The following PRKDC variants were observed in gnomAD, a reference collection of about 807,000 sequenced individuals.
PRKDC encodes the protein protein kinase, DNA-activated, catalytic subunit.
PRKDC carries 82 observed loss-of-function variants against 486.9 expected under a neutral mutation model. The ratio of observed to expected loss-of-function variants is 0.17; its 90% CI spans 0.14 to 0.20. The LOEUF (loss-of-function observed/expected upper bound fraction) is 0.20. Ranked by LOEUF, PRKDC falls within the 10% of genes least tolerant of loss-of-function variation. PRKDC has a pLI of 1.00. For synonymous variants in PRKDC, 1,895 were observed against 1,837.0 expected, an observed-to-expected ratio of 1.03 and a Z score of -0.81; for missense variants, 4,504 against 5,038.2, an observed-to-expected ratio of 0.89 and a Z score of 3.21.
At chr8:47,827,116 GAT>G (rs1216874834) in intron 62 of PRKDC, among the ~76,000 whole-genome samples, 1 of 113,756 alleles carries the variant, frequency 8.8e-6, no homozygotes, top group Non-Finnish European at 1.8e-5. Flanking sequence ...AAAATATGAA[GAT>G]CACACACACA....
At chr8:47,910,206 T>G (rs182169545) in intron 25 of PRKDC, among the ~76,000 whole-genome samples, 52 of 152,264 alleles carry the variant, frequency 3.4e-4, no homozygotes, top group African/African-American at 1.1e-3. Context: ...AATATTCCTC[T>G]TAGTTATTTT....
At chr8:47,891,285 T>C (rs1452116843) in intron 31 of PRKDC, among the ~76,000 whole-genome samples, 1 of 152,220 alleles carries the variant, frequency 6.6e-6, no homozygotes, top group African/African-American at 2.4e-5. Flanking sequence ...AGGAAAGCCT[T>C]TTTGTAAGTC....
intron 22 of PRKDC, among the ~76,000 whole-genome samples, chr8:47,916,680 T>C (rs181434543): frequency 2.0e-5 from 3 of 152,282 alleles, no homozygotes; most frequent in East Asian, 3.9e-4. Context: ...CACAAAGCAG[T>C]GGCTACTTCA....
At chr8:47,953,778 G>A in intron 6 of PRKDC, 29 bp downstream of exon 6, 1 of 1,575,562 alleles carries the variant, frequency 6.3e-7, no homozygotes. Flanking sequence ...CACATCTATG[G>A]AAGCAGAATG....
rs8178133 is a variant in PRKDC, at chr8:47,860,737, C to G, written c.6058+162G>C. Among the ~76,000 whole-genome samples the G allele has an allele frequency of 3.8e-3, 585 of 152,248 alleles. 4 individuals are homozygous for G. The highest frequency in any genetic ancestry group is 0.025 in the South Asian group (120 of 4,824). On this transcript the variant is annotated intron_variant, in intron 45 of 85. Coordinates refer to ENST00000314191, the MANE Select transcript of PRKDC (RefSeq NM_006904.7). ...TCTTTCAAAATATAATTCCATTTGCCACTTAAAATACTTTTTCAAAGTCAA... is the reference window on the plus strand; with the variant it reads ...TCTTTCAAAATATAATTCCATTTGCGACTTAAAATACTTTTTCAAAGTCAA...
At chr8:47,819,698 T>A (rs942598550) in intron 66 of PRKDC, among the ~76,000 whole-genome samples, 188 bp from the exon 67 acceptor site, 1 of 152,004 alleles carries the variant, frequency 6.6e-6, no homozygotes, top group Non-Finnish European at 1.5e-5. Flanking sequence ...TAAAAAAAAA[T>A]TTAAGGTTTC....
intron 40 of PRKDC, among the ~76,000 whole-genome samples, chr8:47,877,077 A>G (rs1022038848): frequency 6.6e-6 from 1 of 152,254 alleles, no homozygotes; most frequent in Non-Finnish European, 1.5e-5. Flanking sequence ...AGAAAATCCA[A>G]GGGCTAGAGG....
At chr8:47,903,668 T>C (rs2089725304) in intron 26 of PRKDC, among the ~76,000 whole-genome samples, 1 of 152,258 alleles carries the variant, frequency 6.6e-6, no homozygotes. Context: ...GCTGCTTCTT[T>C]ACCTTTTCTT....
rs8178210 is a variant in PRKDC, at chr8:47,817,399, C to T, written c.9557+51G>A. 6.2e-3 allele frequency: 8,030 copies of T among 1,298,872 alleles called. 340 individuals carry two copies. The African/African-American group carries it at 0.1, about 16-fold the overall frequency. The allele number at this position is 1,298,872 out of a possible 1,614,324, so 80.5% of individuals were successfully genotyped here. A position where few individuals can be genotyped will look rare whatever the true frequency, so the allele number is the denominator to read the frequency against. Reference sequence around the variant, plus strand: ...CCATGGTTTGGAAGAAAAACCATTCCAACAATTTCAAAAAACAATCCACAT... The same window carrying T: ...CCATGGTTTGGAAGAAAAACCATTCTAACAATTTCAAAAAACAATCCACAT... On this transcript the variant is annotated intron_variant, in intron 68 of 85. Transcript: ENST00000314191.
intron 25 of PRKDC, among the ~76,000 whole-genome samples, chr8:47,910,835 T>A (rs1589785783): frequency 1.0e-5 from 1 of 97,038 alleles, no homozygotes; most frequent in East Asian, 2.8e-4. Context: ...TTCCTAGACA[T>A]TTTTTTTTTG....
intron 70 of PRKDC, among the ~76,000 whole-genome samples, chr8:47,803,055 C>A (rs534860248): frequency 6.6e-6 from 1 of 151,972 alleles, no homozygotes; most frequent in African/African-American, 2.4e-5. Flanking sequence ...CCAAATTGCT[C>A]GGATTACAGG....
chr8:47,907,346 C>G (rs967505585), intron 25 of PRKDC, among the ~76,000 whole-genome samples: 6 of 146,932 alleles, frequency 4.1e-5, no homozygotes, highest in Admixed American at 1.7e-4. Context: ...GGCCAAGAAT[C>G]ATACTGTTTT....
chr8:47,862,526 T>C lies in PRKDC; in HGVS notation c.5766A>G (p.Ala1922=). Residue 1922 remains alanine, a synonymous_variant, in exon 43 of 86, where the codon GCA becomes GCG. Coordinates refer to ENST00000314191, the MANE Select transcript of PRKDC (RefSeq NM_006904.7). ...TCTCTCCTGCCATGTTCTCTGTAAATGCATCGTAGCACAATCTGCAGAGAG... is the reference window on the plus strand; with the variant it reads ...TCTCTCCTGCCATGTTCTCTGTAAACGCATCGTAGCACAATCTGCAGAGAG... ...TKTLIKLCYD[A]FTENMAGENQ... The C allele has an allele frequency of 1.9e-6, 3 of 1,610,496 alleles. No homozygotes were observed. The highest frequency in any genetic ancestry group is 1.1e-5 in the South Asian group (1 of 90,638).
chr8:47,911,681 A>C (rs1009112255), intron 25 of PRKDC, among the ~76,000 whole-genome samples: 2 of 152,092 alleles, frequency 1.3e-5, no homozygotes, highest in African/African-American at 4.8e-5. Context: ...AAGATTTCTT[A>C]CCTTTTTCTG....
intron 30 of PRKDC, among the ~76,000 whole-genome samples, chr8:47,896,629 A>G (rs1225561007): frequency 6.7e-6 from 1 of 150,262 alleles, no homozygotes; most frequent in Non-Finnish European, 1.5e-5. Flanking sequence ...CCTGGGCAAA[A>G]GAGCGAGACT....
At chr8:47,943,607 T>C (rs2090482204) in intron 9 of PRKDC, among the ~76,000 whole-genome samples, 1 of 152,162 alleles carries the variant, frequency 6.6e-6, no homozygotes, top group South Asian at 2.1e-4. Context: ...TGAGGCAAAG[T>C]CAGAATCAAA....
intron 68 of PRKDC, among the ~76,000 whole-genome samples, chr8:47,816,754 A>G (rs1156442817): frequency 6.6e-6 from 1 of 152,196 alleles, no homozygotes; most frequent in Non-Finnish European, 1.5e-5. Flanking sequence ...TCTGGGTTAA[A>G]GAACCCAGGA....
rs2154497349 is a variant in PRKDC at position 47,778,645 on chromosome 8, C to T, written c.11667G>A (p.Arg3889=). The T allele has an allele frequency of 6.2e-7, 1 of 1,613,444 alleles. No individual in the cohort carries two copies. Among genetic ancestry groups the T allele is most frequent in the African/African-American group, 1.3e-5 (1 of 75,046 alleles). The stretch of plus-strand genomic sequence containing the variant: ...GGAAAGCCTCAGGGCTTGTACTCAT[C>T]CTCACGAAGGCCCGCCTACAAAAGA... ...PADLLKRAFV[R]MSTSPEAFLA... The change falls in exon 83 of 86, where the codon AGG becomes AGA. Residue 3889 remains arginine (R), a synonymous_variant. Transcript: ENST00000314191.
intron 69 of PRKDC, among the ~76,000 whole-genome samples, chr8:47,806,827 G>C (rs917002226): frequency 2.6e-5 from 4 of 152,134 alleles, no homozygotes; most frequent in Non-Finnish European, 4.4e-5. Flanking sequence ...ATAAACTCTA[G>C]AGGCTTTCTG....
Sources: gnomAD v4.1 joint callset for allele counts (sites outside exome capture counted in the v4.1 genomes callset) on GRCh38, gnomAD v4.1.1 for gene constraint, MANE v1.5 for transcripts, NCBI Gene and HGNC (gene_info 2026-07-23, HGNC 2026-07-21) for gene names.